IRS1: variants seen among roughly 807,000 people sequenced by gnomAD.
The protein encoded by IRS1 is insulin receptor substrate 1.
A neutral mutation model predicts 65.6 loss-of-function variants in IRS1; 34 were observed. The observed-to-expected ratio is 0.52, with a 90% CI of 0.39 to 0.69. IRS1 has a LOEUF of 0.69. Among genes scored for constraint, IRS1 ranks in the 30% least tolerant of loss-of-function variants. The probability of loss-of-function intolerance (pLI) is 0.00; values close to 1 mark genes in which losing one functional copy is unlikely to be tolerated. For missense variants in IRS1, 1,641 were observed against 1,720.2 expected (o/e 0.95, Z 0.81); for synonymous variants, 699 against 683.5 (o/e 1.02, Z -0.35).
rs538927719 is a variant in IRS1, at chr2:226,783,568, T to C, written c.*21+11421A>G. Among the ~76,000 whole-genome samples the C allele has an allele frequency of 1.8e-4, 28 of 152,242 alleles. 1 individual carries two copies. The South Asian group carries it at 5.8e-3, about 32-fold the overall frequency. On this transcript the variant is annotated intron_variant, in intron 1 of 1. Transcript: ENST00000305123. Reference sequence around the variant, plus strand: ...AAGGGAATATAAGTGTTTGTGTTTTTCCAAAAAAAGTAGTATGAAGGAAAT... The same window carrying C: ...AAGGGAATATAAGTGTTTGTGTTTTCCCAAAAAAAGTAGTATGAAGGAAAT...
At chr2:226,780,657 T>C (rs1021024865) in intron 1 of IRS1, among the ~76,000 whole-genome samples, 7 of 152,106 alleles carry the variant, frequency 4.6e-5, no homozygotes, top group Non-Finnish European at 8.8e-5. Context: ...AAAAGAATGG[T>C]TTGGGGGAAG....
Position 226,798,815 on chromosome 2 carries a change from C to T in IRS1, c.-77G>A. ...CGGGTGGGGGGCGGAGGCTCCTCGC[C>T]GCGGCCCGGCACATGCAAACAGGGC... On this transcript the variant is annotated 5_prime_UTR_variant, in exon 1 of 2. Coordinates refer to ENST00000305123, the MANE Select transcript of IRS1 (RefSeq NM_005544.3). The surrounding 1 kb of genome is among the most constrained non-coding windows in gnomAD (Gnocchi z 9.4). The T allele has an allele frequency of 6.4e-7, 1 of 1,552,636 alleles. No individual in the cohort carries two copies. The highest frequency in any genetic ancestry group is 8.7e-7 in the Non-Finnish European group (1 of 1,149,374).
chr2:226,796,588 T>A lies in IRS1; in HGVS notation c.2151A>T (p.Pro717=). The change falls in exon 1 of 2, where the codon CCA becomes CCT. Residue 717 remains proline, a synonymous_variant. Transcript: ENST00000305123. ...HSHVLPHPKP[P]VESSGGKLLP... ...AGAGCTTACCACCGCTGCTCTCCAC[T>A]GGGGGTTTGGGGTGAGGCAAGACAT... 6.2e-7 allele frequency: 1 copy of A among 1,613,996 alleles called. No individual in the cohort carries two copies. The highest frequency in any genetic ancestry group is 8.5e-7 in the Non-Finnish European group (1 of 1,179,958).
chr2:226,742,748 C>T (rs942742055), intron 1 of IRS1, among the ~76,000 whole-genome samples: 2 of 149,908 alleles, frequency 1.3e-5, no homozygotes, highest in African/African-American at 4.9e-5. Context: ...AGGCGACCAT[C>T]AAGCCTGTCA....
intron 1 of IRS1, among the ~76,000 whole-genome samples, chr2:226,757,575 TAG>T (rs774878958): frequency 2.0e-4 from 30 of 152,190 alleles, no homozygotes; most frequent in South Asian, 1.2e-3. Flanking sequence ...AGGAAAGAAA[TAG>T]AGTCTTGTGT....
intron 1 of IRS1, among the ~76,000 whole-genome samples, chr2:226,791,844 C>A (rs984919399): frequency 2.0e-5 from 3 of 152,044 alleles, no homozygotes; most frequent in African/African-American, 7.2e-5. Context: ...GGGGCCCCAC[C>A]GCCCTGGATG....
rs138710153 is a variant in IRS1, at chr2:226,795,381, C to T, written c.3358G>A (p.Gly1120Arg). 39 of 1,613,164 alleles carry T rather than the reference C, an allele frequency of 2.4e-5. No homozygotes were observed. In the African/African-American group the frequency reaches 3.5e-4, roughly 14 times the overall value. ...CCGCCCCCTACTGCTGCCCCCGCTC[C>T]AAAGGGCACTGTGTTGCCCACCCGG... ...ATRVGNTVPF[G>R]AGAAVGGGGG... is the part of the protein sequence containing the mutation. Residue 1120 changes from glycine to arginine, a missense_variant, in exon 1 of 2, where the codon GGA becomes AGA. Around this residue, in one of 3 missense-constraint regions of IRS1, gnomAD observed 1,324 missense variants for 1,361.0 expected, o/e 0.97. Transcript: ENST00000305123.
At chr2:226,750,391 C>T (rs1938653405) in intron 1 of IRS1, among the ~76,000 whole-genome samples, 1 of 151,430 alleles carries the variant, frequency 6.6e-6, no homozygotes, top group African/African-American at 2.4e-5. Flanking sequence ...TTTAGAGAAA[C>T]AGAAAGATCC....
chr2:226,749,722 T>G (rs556071044), intron 1 of IRS1, among the ~76,000 whole-genome samples: 1 of 152,282 alleles, frequency 6.6e-6, no homozygotes, highest in South Asian at 2.1e-4. Flanking sequence ...TTTTCCCACC[T>G]GAGAGTTCTA....
rs1938231375 is a variant in IRS1, at chr2:226,732,056, T to TAAC, written c.*4215_*4216insGTT. The TAAC allele has an allele frequency of 1.3e-5, 2 of 152,182 alleles. No homozygotes were observed. Among genetic ancestry groups the TAAC allele is most frequent in the African/African-American group, 4.8e-5 (2 of 41,456 alleles). The allele number at this position is 152,182 out of a possible 1,614,324, so 9.4% of individuals were successfully genotyped here. ...TAGAAAAGAAAGCTAACTCTCCACCTAAGTCATGTGTTTTCTAGTCATGTT... is the reference window on the plus strand; with the variant it reads ...TAGAAAAGAAAGCTAACTCTCCACCTAACAAGTCATGTGTTTTCTAGTCATGTT... On this transcript the variant is annotated 3_prime_UTR_variant, in exon 2 of 2. Coordinates refer to ENST00000305123, the MANE Select transcript of IRS1 (RefSeq NM_005544.3).
intron 1 of IRS1, among the ~76,000 whole-genome samples, chr2:226,767,832 T>C (rs76490719): frequency 1.3e-5 from 2 of 152,220 alleles, no homozygotes; most frequent in East Asian, 3.9e-4. Context: ...ACTATCAAAC[T>C]CAAAGGCATG....
At position 226,783,915 on chromosome 2, in the gene IRS1, G is replaced by A. The variant is rs552531165; in HGVS notation, c.*21+11074C>T. Among the ~76,000 whole-genome samples, 28 of 152,106 alleles carry A rather than the reference G, an allele frequency of 1.8e-4. No homozygotes were observed. In the South Asian group the frequency reaches 4.4e-3, roughly 24 times the overall value. ...CTGCTGGGAACCTGTTCAATACCAC[G>A]TGAGGACTGGGTCAGTCTGCTGGGG... On this transcript the variant is annotated intron_variant, in intron 1 of 1. Transcript: ENST00000305123.
chr2:226,762,245 A>G (rs1258690701), intron 1 of IRS1, among the ~76,000 whole-genome samples: 1 of 152,146 alleles, frequency 6.6e-6, no homozygotes, highest in East Asian at 1.9e-4. Flanking sequence ...ATCTCTGGCC[A>G]GAATTCTTTG....
At chr2:226,769,900 G>A (rs377675507) in intron 1 of IRS1, among the ~76,000 whole-genome samples, 2 of 152,092 alleles carry the variant, frequency 1.3e-5, no homozygotes, top group African/African-American at 2.4e-5. Context: ...TATAAAGTAT[G>A]GCCGTTCAAG....
chr2:226,743,482 G>A (rs942216867), intron 1 of IRS1, among the ~76,000 whole-genome samples: 3 of 152,070 alleles, frequency 2.0e-5, no homozygotes, highest in Non-Finnish European at 4.4e-5. Context: ...CACCCGCCTC[G>A]GCCTCTCAAA....
chr2:226,747,009 C>T (rs1003049712), intron 1 of IRS1, among the ~76,000 whole-genome samples: 2 of 151,870 alleles, frequency 1.3e-5, no homozygotes, highest in Non-Finnish European at 2.9e-5. Context: ...AGGTTGGTCT[C>T]GAACTCCTGA....
At position 226,795,782 on chromosome 2, in the gene IRS1, C is replaced by T. The variant is rs761927466; in HGVS notation, c.2957G>A (p.Arg986Gln). The T allele has an allele frequency of 1.3e-5, 21 of 1,613,186 alleles. No homozygotes were observed. The highest frequency in any genetic ancestry group is 2.2e-5 in the East Asian group (1 of 44,902). ...CATCTGCATGGTCATGTAGTCACCCCGGCTGCTGGGCACTGCCCGGGTAGG... is the reference window on the plus strand; with the variant it reads ...CATCTGCATGGTCATGTAGTCACCCTGGCTGCTGGGCACTGCCCGGGTAGG... ...CRPTRAVPSS[R>Q]GDYMTMQMSC... Residue 986 changes from arginine (R) to glutamine (Q), a missense_variant, in exon 1 of 2, where the codon CGG (arginine) becomes CAG (glutamine). By Grantham distance (43) the Arg-to-Gln change is conservative. Coordinates refer to ENST00000305123, the MANE Select transcript of IRS1 (RefSeq NM_005544.3).
intron 1 of IRS1, among the ~76,000 whole-genome samples, chr2:226,736,716 T>C (rs1361186076): frequency 6.6e-6 from 1 of 152,192 alleles, no homozygotes; most frequent in Non-Finnish European, 1.5e-5. Context: ...CAATTTTTCA[T>C]GTGCACAAAC....
At position 226,750,269 on chromosome 2, in the gene IRS1, A is replaced by AT. The variant is rs1553529200; in HGVS notation, c.*22-14020_*22-14019insA. ...TGTCTCAAAAAAAAAAAAAAAAAAA[A>AT]AGAATCATTAAATGTGTTGTCTGAG... is the stretch of plus-strand genomic sequence containing the variant. On this transcript the variant is annotated intron_variant, in intron 1 of 1. Coordinates refer to ENST00000305123, the MANE Select transcript of IRS1 (RefSeq NM_005544.3). Among the ~76,000 whole-genome samples the AT allele has an allele frequency of 1.7e-4, 26 of 150,504 alleles. 1 individual carries two copies. The highest frequency in any genetic ancestry group is 3.5e-3 in the Middle Eastern group (1 of 286).
Sources: allele counts gnomAD v4.1 joint callset (sites outside exome capture counted in the v4.1 genomes callset), GRCh38; gene constraint gnomAD v4.1.1; regional missense constraint gnomAD v4.1.1; non-coding constraint Gnocchi (gnomAD v3.1); transcripts MANE v1.5; gene names NCBI Gene and HGNC (gene_info 2026-07-23, HGNC 2026-07-21).